The following OSBPL9 variants were observed in gnomAD, a reference collection of about 807,000 sequenced individuals.
OSBPL9 encodes the protein oxysterol binding protein like 9.
Under a neutral mutation model 106.6 loss-of-function variants are expected in OSBPL9, and 40 were observed. The ratio of observed to expected loss-of-function variants is 0.38; its 90% CI spans 0.29 to 0.49. The LOEUF (loss-of-function observed/expected upper bound fraction) is 0.49. Among genes scored for constraint, OSBPL9 ranks in the 20% least tolerant of loss-of-function variants. OSBPL9 has a pLI of 0.97. For synonymous variants in OSBPL9, 269 were observed against 295.4 expected, an observed-to-expected ratio of 0.91 and a Z score of 0.92; for missense variants, 609 against 887.2, an observed-to-expected ratio of 0.69 and a Z score of 3.98.
chr1:51,539,827 C>T, the OSBPL9 span, among the ~76,000 whole-genome samples: 2 of 152,206 alleles, frequency 1.3e-5, no homozygotes, highest in Non-Finnish European at 2.9e-5. Flanking sequence ...CACTACCTAG[C>T]ATCAAATATT....
intron 14 of OSBPL9, among the ~76,000 whole-genome samples, chr1:51,774,540 A>G (rs1420551298): frequency 6.6e-6 from 1 of 152,202 alleles, no homozygotes; most frequent in Admixed American, 6.5e-5. Context: ...TGTTTTCCAA[A>G]TACTTTGTAG....
intron 2 of OSBPL9, among the ~76,000 whole-genome samples, chr1:51,601,491 C>G (rs1645325047): frequency 6.6e-6 from 1 of 152,226 alleles, no homozygotes; most frequent in South Asian, 2.1e-4. Flanking sequence ...TCATCTCCCC[C>G]ATGGGTTCAC....
At chr1:51,735,652 G>T (rs1665508880) in intron 4 of OSBPL9, among the ~76,000 whole-genome samples, 1 of 152,154 alleles carries the variant, frequency 6.6e-6, no homozygotes. Context: ...CTTCATCTTG[G>T]CATCCCCAAA....
the OSBPL9 span, among the ~76,000 whole-genome samples, chr1:51,524,739 A>G: frequency 6.6e-6 from 1 of 152,218 alleles, no homozygotes; most frequent in Non-Finnish European, 1.5e-5. Flanking sequence ...CCCAAAGGCC[A>G]TTGGCTTCTA....
chr1:51,568,381 T>C, the OSBPL9 span, among the ~76,000 whole-genome samples: 1 of 152,152 alleles, frequency 6.6e-6, no homozygotes, highest in Non-Finnish European at 1.5e-5. Context: ...GACAAACAGC[T>C]AGTAAGTAGC....
chr1:51,711,468 C>G (rs1271341536), intron 3 of OSBPL9, among the ~76,000 whole-genome samples: 1 of 120,148 alleles, frequency 8.3e-6, no homozygotes, highest in Non-Finnish European at 1.9e-5. Flanking sequence ...GGGGGCTGAC[C>G]CCCCCACCTC....
In OSBPL9 at chr1:51,788,855, T is replaced by TATCA. The variant is rs1553199279; in HGVS notation, c.*1067_*1070dup. Among the ~76,000 whole-genome samples the TATCA allele has an allele frequency of 4.0e-4, 59 of 149,126 alleles. 2 individuals carry two copies. Among genetic ancestry groups the TATCA allele is most frequent in the South Asian group, 1.1e-3 (5 of 4,740 alleles). On this transcript the variant is annotated 3_prime_UTR_variant, in exon 24 of 24. Coordinates refer to ENST00000428468, the MANE Select transcript of OSBPL9 (RefSeq NM_024586.6). ...ACAGAACTATATCTATCTATCTATCTATCATCTTTTTTATTTAAAAATACA... is the reference window on the plus strand; with the variant it reads ...ACAGAACTATATCTATCTATCTATCTATCAATCATCTTTTTTATTTAAAAATACA...
chr1:51,682,999 C>T (rs1189720416), intron 3 of OSBPL9, among the ~76,000 whole-genome samples: 1 of 151,754 alleles, frequency 6.6e-6, no homozygotes, highest in Non-Finnish European at 1.5e-5. Flanking sequence ...ACCTTAGCCT[C>T]CCGAGTAGCT....
chr1:51,546,387 G>A, the OSBPL9 span, among the ~76,000 whole-genome samples: 1 of 151,956 alleles, frequency 6.6e-6, no homozygotes, highest in Non-Finnish European at 1.5e-5. Context: ...GAAGATTGTT[G>A]AACAAAATAA....
chr1:51,617,706 A>G (rs1644149244), intron 1 of OSBPL9, among the ~76,000 whole-genome samples: 1 of 152,124 alleles, frequency 6.6e-6, no homozygotes, highest in Non-Finnish European at 1.5e-5. Flanking sequence ...ACAGGTCCAA[A>G]AGTGACCAGC....
intron 2 of OSBPL9, among the ~76,000 whole-genome samples, chr1:51,609,999 G>A (rs925313434): frequency 3.3e-5 from 5 of 150,634 alleles, no homozygotes; most frequent in Admixed American, 6.6e-5. Context: ...TGCCTGCCTC[G>A]GCCTCCCAAA....
chr1:51,537,162 T>G, the OSBPL9 span, among the ~76,000 whole-genome samples: 1 of 152,234 alleles, frequency 6.6e-6, no homozygotes, highest in Non-Finnish European at 1.5e-5. Flanking sequence ...CTAATTATTA[T>G]CATGAGTATA....
intron 4 of OSBPL9, among the ~76,000 whole-genome samples, chr1:51,737,443 A>G (rs1388059795): frequency 1.3e-5 from 2 of 152,042 alleles, no homozygotes; most frequent in African/African-American, 2.4e-5. Flanking sequence ...TGTAAAATAA[A>G]AACTCAGAGT....
chr1:51,768,319 T>G (rs1312327075), intron 12 of OSBPL9, among the ~76,000 whole-genome samples: 1 of 152,074 alleles, frequency 6.6e-6, no homozygotes, highest in Admixed American at 6.6e-5. Flanking sequence ...GTTCAAGCAA[T>G]TCTCCTGCCT....
intron 1 of OSBPL9, among the ~76,000 whole-genome samples, chr1:51,629,810 G>A (rs565182262): frequency 6.6e-6 from 1 of 152,014 alleles, no homozygotes; most frequent in Non-Finnish European, 1.5e-5. Flanking sequence ...TTAGCTGGGT[G>A]TGGTGGTGTG....
intron 3 of OSBPL9, among the ~76,000 whole-genome samples, chr1:51,699,719 A>G (rs1571162619): frequency 6.6e-6 from 1 of 152,268 alleles, no homozygotes; most frequent in East Asian, 1.9e-4. Context: ...ATATTTAGAA[A>G]TCAACACCCA....
At chr1:51,614,119 C>G (rs993644511), upstream of OSBPL9, among the ~76,000 whole-genome samples, 1 of 152,062 alleles carries the variant, frequency 6.6e-6, no homozygotes, top group African/African-American at 2.4e-5. Context: ...TACCTTATTC[C>G]CAGAAACCTT....
At chr1:51,744,082 CTTTGAA>C (rs562683946) in intron 4 of OSBPL9, among the ~76,000 whole-genome samples, 1 of 151,980 alleles carries the variant, frequency 6.6e-6, no homozygotes, top group South Asian at 2.1e-4. Context: ...CATTTATCGC[CTTTGAA>C]TTTGAAAAAG....
chr1:51,700,113 G>A (rs1052022403), intron 3 of OSBPL9, among the ~76,000 whole-genome samples: 1 of 152,134 alleles, frequency 6.6e-6, no homozygotes, highest in Non-Finnish European at 1.5e-5. Context: ...TTTTGTAAAT[G>A]TCACCATCAC....
Sources: gnomAD v4.1 joint callset for allele counts (sites outside exome capture counted in the v4.1 genomes callset) on GRCh38, gnomAD v4.1.1 for gene constraint, MANE v1.5 for transcripts, NCBI Gene and HGNC (gene_info 2026-07-23, HGNC 2026-07-21) for gene names.